KIF26B: variants seen among roughly 807,000 people sequenced by gnomAD.
KIF26B encodes kinesin family member 26B.
KIF26B carries 63 observed loss-of-function variants against 151.2 expected under a neutral mutation model. The observed-to-expected ratio is 0.42, with a 90% confidence interval of 0.34 to 0.51. KIF26B has a LOEUF of 0.51. Ranked by LOEUF, KIF26B falls within the 20% of genes least tolerant of loss-of-function variation. The pLI, the probability that KIF26B is intolerant of heterozygous loss-of-function variation, is 0.07. For missense variants in KIF26B, 2,813 were observed against 2,913.6 expected (o/e 0.97, Z 0.79); for synonymous variants, 1,357 against 1,262.1 (o/e 1.08, Z -1.59).
intron 3 of KIF26B, among the ~76,000 whole-genome samples, chr1:245,408,829 A>G (rs949781890): frequency 6.6e-6 from 1 of 152,080 alleles, no homozygotes; most frequent in Non-Finnish European, 1.5e-5. Flanking sequence ...GGGCTTTTCC[A>G]CCTGGCAGAC....
At chr1:245,191,984 G>A (rs1411772439) in intron 2 of KIF26B, among the ~76,000 whole-genome samples, 1 of 152,278 alleles carries the variant, frequency 6.6e-6, no homozygotes, top group South Asian at 2.1e-4. Context: ...TTGGAAAGCA[G>A]TGTGATGAAC....
intron 10 of KIF26B, among the ~76,000 whole-genome samples, chr1:245,664,580 A>G (rs2044193192): frequency 6.6e-6 from 1 of 152,176 alleles, no homozygotes; most frequent in Non-Finnish European, 1.5e-5. Context: ...ATATTTTCTG[A>G]CACAGCCGTC....
At chr1:245,613,238 G>A (rs1269665422) in intron 9 of KIF26B, among the ~76,000 whole-genome samples, 1 of 152,186 alleles carries the variant, frequency 6.6e-6, no homozygotes. Context: ...CCCTGGACTG[G>A]AAATTGTAAA....
At chr1:245,340,612 C>T (rs903449672) in intron 2 of KIF26B, among the ~76,000 whole-genome samples, 12 of 152,074 alleles carry the variant, frequency 7.9e-5, no homozygotes, top group Non-Finnish European at 1.5e-4. Flanking sequence ...TGAGAGCCTA[C>T]GATGTATACG....
chr1:245,284,786 C>T (rs1349251166), intron 2 of KIF26B, among the ~76,000 whole-genome samples: 1 of 152,198 alleles, frequency 6.6e-6, no homozygotes, highest in Non-Finnish European at 1.5e-5. Flanking sequence ...TGCCTGTAAT[C>T]CCAGCACTTT....
intron 10 of KIF26B, among the ~76,000 whole-genome samples, chr1:245,647,173 C>T (rs2103186117): frequency 6.6e-6 from 1 of 152,178 alleles, no homozygotes; most frequent in South Asian, 2.1e-4. Flanking sequence ...TGCCTGTAAT[C>T]CTGGCACTTT....
rs1357176089 is a variant in KIF26B at position 245,367,225 on chromosome 1, A to C, written c.857A>C (p.His286Pro). The stretch of plus-strand genomic sequence containing the variant: ...GAAAAGAAGAGCGGGTCCCCAACCC[A>C]CCAGGCCAAGGTCAGCCTCCAGATG... ...GAEKKSGSPT[H>P]QAKVSLQMAT... is the part of the protein sequence containing the mutation. The change falls in exon 3 of 15, where the codon CAC becomes CCC. Residue 286 changes from histidine to proline, a missense_variant. By Grantham distance (77) the His-to-Pro change is moderately conservative. Coordinates refer to ENST00000407071, the MANE Select transcript of KIF26B (RefSeq NM_018012.4). The surrounding 1 kb of genome is among the most constrained non-coding windows in gnomAD (Gnocchi z 4.2). The C allele has an allele frequency of 6.2e-7, 1 of 1,609,894 alleles. No individual in the cohort carries two copies. Among genetic ancestry groups the C allele is most frequent in the South Asian group, 1.1e-5 (1 of 90,060 alleles).
intron 3 of KIF26B, among the ~76,000 whole-genome samples, chr1:245,379,010 C>T (rs1474853877): frequency 6.6e-6 from 1 of 152,200 alleles, no homozygotes; most frequent in Non-Finnish European, 1.5e-5. Context: ...TTCTTTTACT[C>T]AACTCAAGTT....
rs565165555 is a variant in KIF26B, at chr1:245,516,782, C to T, written c.1167-23985C>T. On this transcript the variant is annotated intron_variant, in intron 4 of 14. Coordinates refer to ENST00000407071, the MANE Select transcript of KIF26B (RefSeq NM_018012.4). This position sits in a 1 kb window ranked among gnomAD's most constrained non-coding sequence, Gnocchi z 4.2. Reference sequence around the variant, plus strand: ...CTTGCTTAAGTAATACGCTCCTTGACGGCCAAAACTGTCATTTGCACATTC... The same window carrying T: ...CTTGCTTAAGTAATACGCTCCTTGATGGCCAAAACTGTCATTTGCACATTC... 5.6e-4 allele frequency among the ~76,000 whole-genome samples: 86 copies of T among 152,284 alleles called. 1 individual carries two copies. Among genetic ancestry groups the T allele is most frequent in the South Asian group, 2.7e-3 (13 of 4,826 alleles).
intron 5 of KIF26B, among the ~76,000 whole-genome samples, chr1:245,583,207 G>A (rs532410877): frequency 6.6e-6 from 1 of 152,122 alleles, no homozygotes; most frequent in Admixed American, 6.5e-5. Context: ...CTGAATACTC[G>A]TGTCTCCAGT....
rs571603904 is a variant in KIF26B at position 245,305,999 on chromosome 1, C to T, written c.466-60835C>T. ...ACGATATAGCCCCTGTGGAAGAGAACTTGGCACTTTCTCAGAGAGTTAAAC... is the reference window on the plus strand; with the variant it reads ...ACGATATAGCCCCTGTGGAAGAGAATTTGGCACTTTCTCAGAGAGTTAAAC... On this transcript the variant is annotated intron_variant, in intron 2 of 14. Coordinates refer to ENST00000407071, the MANE Select transcript of KIF26B (RefSeq NM_018012.4). 2.7e-5 allele frequency among the ~76,000 whole-genome samples: 4 copies of T among 146,174 alleles called. No homozygotes were observed. In the South Asian group the frequency reaches 8.7e-4, roughly 32 times the overall value.
intron 2 of KIF26B, among the ~76,000 whole-genome samples, chr1:245,288,362 T>C (rs72761103): frequency 0.042 from 6,348 of 152,202 alleles, 165 homozygotes; most frequent in African/African-American, 0.064. Flanking sequence ...GACAGGAAAA[T>C]GGACAGCATA....
At chr1:245,335,497 G>A (rs1427053155) in intron 2 of KIF26B, among the ~76,000 whole-genome samples, 1 of 152,214 alleles carries the variant, frequency 6.6e-6, no homozygotes, top group African/African-American at 2.4e-5. Context: ...GAGGGAGGAA[G>A]CTTGGGAAGG....
chr1:245,219,564 C>A (rs1198462256), intron 2 of KIF26B, among the ~76,000 whole-genome samples: 1 of 151,920 alleles, frequency 6.6e-6, no homozygotes, highest in African/African-American at 2.4e-5. Context: ...GAAACTCCAT[C>A]TCTACAAAAA....
Position 245,465,926 on chromosome 1 carries a change from A to G in KIF26B, c.1166+46181A>G, listed in dbSNP as rs539359732. ...GGGCTGAGCCCATCCTGAAGCCAGA[A>G]GGAAGCCTGTCGAGGCAGCTTGCAT... On this transcript the variant is annotated intron_variant, in intron 4 of 14. Transcript: ENST00000407071. Among the ~76,000 whole-genome samples, 4 of 152,348 alleles carry G rather than the reference A, an allele frequency of 2.6e-5. 1 individual carries two copies. In the East Asian group the frequency reaches 7.7e-4, roughly 29 times the overall value.
intron 9 of KIF26B, among the ~76,000 whole-genome samples, chr1:245,628,146 C>A (rs1328976100): frequency 6.6e-6 from 1 of 152,204 alleles, no homozygotes; most frequent in East Asian, 1.9e-4. Context: ...CCAGCATCAT[C>A]CTGATACCAA....
intron 2 of KIF26B, among the ~76,000 whole-genome samples, chr1:245,203,873 G>A (rs1480102390): frequency 6.6e-6 from 1 of 152,212 alleles, no homozygotes; most frequent in Non-Finnish European, 1.5e-5. Context: ...AGTTGCTAGA[G>A]CAGAGGGGAG....
chr1:245,518,774 A>T (rs1300850593), intron 4 of KIF26B, among the ~76,000 whole-genome samples: 1 of 152,200 alleles, frequency 6.6e-6, no homozygotes, highest in African/African-American at 2.4e-5. Flanking sequence ...TTACAGAGCA[A>T]TAGCATTTCA....
chr1:245,524,976 G>A lies in KIF26B; in HGVS notation c.1167-15791G>A, dbSNP rs116294865. 5.3e-3 allele frequency among the ~76,000 whole-genome samples: 799 copies of A among 152,096 alleles called. 9 individuals are homozygous for A. The highest frequency in any genetic ancestry group is 0.019 in the African/African-American group (780 of 41,506). On this transcript the variant is annotated intron_variant, in intron 4 of 14. Coordinates refer to ENST00000407071, the MANE Select transcript of KIF26B (RefSeq NM_018012.4). The stretch of plus-strand genomic sequence containing the variant: ...TTTAACATTCTTAGCCACTTGTTCC[G>A]TCTTCCTCTTTACCTCTCTGGCTGC...
Sources: allele counts gnomAD v4.1 joint callset (sites outside exome capture counted in the v4.1 genomes callset), GRCh38; gene constraint gnomAD v4.1.1; non-coding constraint Gnocchi (gnomAD v3.1); transcripts MANE v1.5; gene names NCBI Gene and HGNC (gene_info 2026-07-23, HGNC 2026-07-21).